JARID2: variants seen among roughly 807,000 people sequenced by gnomAD.
JARID2 encodes jumonji and AT-rich interaction domain containing 2.
JARID2 carries 21 observed loss-of-function variants against 125.6 expected under a neutral mutation model. The ratio of observed to expected loss-of-function variants is 0.17; its 90% CI spans 0.12 to 0.24. JARID2 has a LOEUF of 0.24. Among genes scored for constraint, JARID2 ranks in the 10% least tolerant of loss-of-function variants. The pLI is 1.00. For synonymous variants in JARID2, 736 were observed against 661.6 expected, an observed-to-expected ratio of 1.11 and a Z score of -1.73; for missense variants, 1,303 against 1,639.6, an observed-to-expected ratio of 0.79 and a Z score of 3.55.
At chr6:15,515,994 CAA>C (rs568172506) in intron 16 of JARID2, among the ~76,000 whole-genome samples, 17 of 110,780 alleles carry the variant, frequency 1.5e-4, no homozygotes, top group Admixed American at 4.5e-4. Context: ...GACTCCATCT[CAA>C]AAAAAAAAAA....
chr6:15,447,847 G>T (rs1767742039), intron 3 of JARID2, among the ~76,000 whole-genome samples: 1 of 152,176 alleles, frequency 6.6e-6, no homozygotes, highest in African/African-American at 2.4e-5. Flanking sequence ...TGCTGCTCCT[G>T]CCATTAGCAT....
At chr6:15,333,999 A>G (rs1220602886) in intron 1 of JARID2, among the ~76,000 whole-genome samples, 1 of 152,258 alleles carries the variant, frequency 6.6e-6, no homozygotes, top group East Asian at 1.9e-4. Flanking sequence ...TTTAGTGGGC[A>G]AACCTTTAAA....
At chr6:15,293,491 G>T (rs536288277) in intron 1 of JARID2, among the ~76,000 whole-genome samples, 1 of 152,344 alleles carries the variant, frequency 6.6e-6, no homozygotes, top group African/African-American at 2.4e-5. Flanking sequence ...TTGAACGGAT[G>T]TTGTAAATGT....
rs1287467936 is a variant in JARID2, at chr6:15,413,018, TTTTTG to T, written c.323+2658_323+2662del. ...AGAGCTTGTGTTTTTGTTTTTTTTT[TTTTTG>T]TTTTTTTTTTTTTGAGACTGAGTTT... On this transcript the variant is annotated intron_variant, in intron 3 of 17. Coordinates refer to ENST00000341776, the MANE Select transcript of JARID2 (RefSeq NM_004973.4). Among the ~76,000 whole-genome samples the T allele has an allele frequency of 8.2e-3, 746 of 90,942 alleles. 117 individuals carry two copies. The highest frequency in any genetic ancestry group is 0.018 in the African/African-American group (437 of 24,014). 59.7% of individuals were successfully genotyped at this position (90,942 alleles called of 152,430 possible). A position where few individuals can be genotyped will look rare whatever the true frequency, so the allele number is the denominator to read the frequency against.
intron 1 of JARID2, among the ~76,000 whole-genome samples, chr6:15,366,780 A>G (rs1763994913): frequency 6.6e-6 from 1 of 151,890 alleles, no homozygotes; most frequent in Non-Finnish European, 1.5e-5. Flanking sequence ...CACCTTCCGT[A>G]AGTGCACCTA....
At chr6:15,254,660 C>T (rs1196725117) in intron 1 of JARID2, among the ~76,000 whole-genome samples, 1 of 152,154 alleles carries the variant, frequency 6.6e-6, no homozygotes, top group Non-Finnish European at 1.5e-5. Flanking sequence ...TCAAGCTCCA[C>T]CACCCATGAA....
intron 3 of JARID2, among the ~76,000 whole-genome samples, chr6:15,441,730 A>T (rs1288051129): frequency 6.6e-6 from 1 of 152,122 alleles, no homozygotes; most frequent in Admixed American, 6.5e-5. Context: ...TTCTGGTGGG[A>T]AGTTTCTGCA....
intron 1 of JARID2, among the ~76,000 whole-genome samples, chr6:15,352,625 A>C (rs908179776): frequency 6.6e-6 from 1 of 152,146 alleles, no homozygotes; most frequent in Non-Finnish European, 1.5e-5. Context: ...CGTCCTGGAA[A>C]CATGAAGTTG....
chr6:15,507,437 C>G (rs1387611942), intron 11 of JARID2, 21 bp downstream of exon 11: 1 of 1,607,982 alleles, frequency 6.2e-7, no homozygotes, highest in Admixed American at 1.7e-5. Context: ...CTGTGGCCGC[C>G]TGCCTGTGGC....
chr6:15,364,579 A>T (rs563032378), intron 1 of JARID2, among the ~76,000 whole-genome samples: 11 of 152,312 alleles, frequency 7.2e-5, no homozygotes, highest in African/African-American at 2.6e-4. Context: ...GTATGAGTGG[A>T]TGTCTGCACT....
At position 15,410,281 on chromosome 6, in the gene JARID2, A is replaced by C. The variant is rs773353152; in HGVS notation, c.239A>C (p.Asn80Thr). The part of the protein sequence containing the change: ...GLGPASEQSE[N>T]EKDDASQVSS... ...GGACCAGCATCAGAACAGTCAGAGA[A>C]TGAAAAGGACGATGCATCCCAAGTG... The change falls in exon 3 of 18, where the codon AAT becomes ACT. Residue 80 changes from asparagine to threonine, a missense_variant. Asn to Thr is a moderately conservative substitution (Grantham distance 65, BLOSUM62 0). Transcript: ENST00000341776. The C allele has an allele frequency of 1.2e-6, 2 of 1,614,030 alleles. No individual in the cohort carries two copies. The highest frequency in any genetic ancestry group is 1.7e-6 in the Non-Finnish European group (2 of 1,179,982).
intron 1 of JARID2, among the ~76,000 whole-genome samples, chr6:15,364,391 T>G (rs1240895347): frequency 6.6e-6 from 1 of 152,142 alleles, no homozygotes; most frequent in Non-Finnish European, 1.5e-5. Context: ...GAGGCTTTAT[T>G]TTGTAGTGAT....
intron 6 of JARID2, among the ~76,000 whole-genome samples, chr6:15,488,881 T>C (rs1242160715): frequency 6.6e-6 from 1 of 152,074 alleles, no homozygotes; most frequent in African/African-American, 2.4e-5. Flanking sequence ...AGCCACGGTG[T>C]GGAATTGGGC....
intron 5 of JARID2, among the ~76,000 whole-genome samples, chr6:15,469,426 T>C (rs574861711): frequency 5.6e-5 from 6 of 107,518 alleles, no homozygotes; most frequent in African/African-American, 1.5e-4. Context: ...TTCTCCGCTT[T>C]TCCTTTCTTT....
chr6:15,442,605 C>A (rs376357424), intron 3 of JARID2, among the ~76,000 whole-genome samples: 15 of 152,276 alleles, frequency 9.9e-5, no homozygotes, highest in East Asian at 7.7e-4. Context: ...CTCATAACAA[C>A]GGGGTTATGC....
chr6:15,411,640 T>C (rs1173912448), intron 3 of JARID2, among the ~76,000 whole-genome samples: 2 of 152,232 alleles, frequency 1.3e-5, no homozygotes, highest in Admixed American at 6.5e-5. Flanking sequence ...GTTTAAAGCA[T>C]GAATTATCAC....
chr6:15,348,563 A>AT (rs556132154), intron 1 of JARID2, among the ~76,000 whole-genome samples: 12 of 151,794 alleles, frequency 7.9e-5, no homozygotes, highest in South Asian at 2.1e-4. Context: ...ACTTAATTAA[A>AT]TTTTTTTTTC....
chr6:15,359,158 A>G (rs1205842963), intron 1 of JARID2, among the ~76,000 whole-genome samples: 1 of 152,236 alleles, frequency 6.6e-6, no homozygotes, highest in East Asian at 1.9e-4. Context: ...GGATTATGGA[A>G]GAAGAAATTC....
chr6:15,250,061 C>G (rs1175984584), intron 1 of JARID2, among the ~76,000 whole-genome samples: 1 of 152,172 alleles, frequency 6.6e-6, no homozygotes, highest in Non-Finnish European at 1.5e-5. Context: ...AATAGAGAAT[C>G]TCTGCCTTAT....
Sources: allele counts gnomAD v4.1 joint callset (sites outside exome capture counted in the v4.1 genomes callset), GRCh38; gene constraint gnomAD v4.1.1; transcripts MANE v1.5; gene names NCBI Gene and HGNC (gene_info 2026-07-23, HGNC 2026-07-21).